The following NAA11 variants were observed in gnomAD, a reference collection of about 807,000 sequenced individuals.
The protein encoded by NAA11 is N-alpha-acetyltransferase 11, NatA catalytic subunit.
A neutral mutation model predicts 16.1 loss-of-function variants in NAA11; 15 were observed. That is an observed-to-expected ratio of 0.93 (90% CI 0.62 to 1.44). The LOEUF (loss-of-function observed/expected upper bound fraction) is 1.44, where lower values mean the gene tolerates loss of function less well. Among genes scored for constraint, NAA11 ranks in the 40% most tolerant of loss-of-function variants. NAA11 has a pLI of 0.00. For synonymous variants in NAA11, 122 were observed against 112.4 expected (o/e 1.09, Z -0.54); for missense variants, 298 against 291.3 (o/e 1.02, Z -0.17).
the NAA11 span, among the ~76,000 whole-genome samples, chr4:79,175,365 G>T: frequency 7.2e-5 from 11 of 152,150 alleles, no homozygotes; most frequent in African/African-American, 2.6e-4. Flanking sequence ...ATTTTCCGTG[G>T]ATAATGACAC....
intron 1 of NAA11, among the ~76,000 whole-genome samples, chr4:79,303,020 C>T (rs1443699159): frequency 7.0e-6 from 1 of 143,746 alleles, no homozygotes. Context: ...TATTTGCCAT[C>T]TTGACTTTTT....
At chr4:79,232,517 C>G (rs1043768391) in intron 2 of NAA11, among the ~76,000 whole-genome samples, 1 of 151,958 alleles carries the variant, frequency 6.6e-6, no homozygotes, top group Admixed American at 6.6e-5. Context: ...TTGGCTTTCA[C>G]ATTTATGCAG....
intron 1 of NAA11, among the ~76,000 whole-genome samples, chr4:79,295,433 C>CA (rs1206918710): frequency 1.3e-5 from 2 of 151,982 alleles, no homozygotes; most frequent in Admixed American, 6.6e-5. Context: ...TAAATAGAAA[C>CA]AAAAAAACTG....
intron 2 of NAA11, among the ~76,000 whole-genome samples, chr4:79,262,176 A>T (rs1487902251): frequency 2.6e-5 from 4 of 152,192 alleles, no homozygotes; most frequent in Non-Finnish European, 5.9e-5. Context: ...TATAATTTCC[A>T]ATTATGTTAG....
At chr4:79,217,061 A>C in the NAA11 span, among the ~76,000 whole-genome samples, 17 of 152,318 alleles carry the variant, frequency 1.1e-4, no homozygotes, top group Admixed American at 5.9e-4. Flanking sequence ...CACTGCTTAC[A>C]TCCATGTGGT....
the NAA11 span, among the ~76,000 whole-genome samples, chr4:79,198,605 C>T: frequency 2.5e-4 from 38 of 152,000 alleles, no homozygotes; most frequent in Non-Finnish European, 4.6e-4. Context: ...CTTTCAGCAA[C>T]AAGGGAAAGA....
downstream of NAA11, among the ~76,000 whole-genome samples, chr4:79,222,291 G>A (rs537986019): frequency 9.9e-5 from 15 of 151,786 alleles, no homozygotes; most frequent in South Asian, 2.1e-4. Flanking sequence ...TCTTGCTAGC[G>A]GTCTATCAAT....
chr4:79,217,529 C>A, the NAA11 span, among the ~76,000 whole-genome samples: 1 of 152,156 alleles, frequency 6.6e-6, no homozygotes. Flanking sequence ...AATCTTTAAT[C>A]TTGTGTCTAA....
At chr4:79,206,088 T>G in the NAA11 span, among the ~76,000 whole-genome samples, 1 of 152,110 alleles carries the variant, frequency 6.6e-6, no homozygotes, top group Non-Finnish European at 1.5e-5. Flanking sequence ...TCTTTGGCTG[T>G]TCAGGTTCTC....
intron 1 of NAA11, chr4:79,308,379 GC>G (rs1723654686): frequency 1.3e-5 from 2 of 152,206 alleles, no homozygotes; most frequent in Admixed American, 1.3e-4. Flanking sequence ...GTGCTTCAGA[GC>G]TGTCTTATTA....
intron 2 of NAA11, among the ~76,000 whole-genome samples, chr4:79,230,943 TATC>T (rs1721449987): frequency 6.6e-6 from 1 of 152,060 alleles, no homozygotes; most frequent in Admixed American, 6.6e-5. Flanking sequence ...TGTTCAATAT[TATC>T]ATAAGACCTT....
intron 1 of NAA11, among the ~76,000 whole-genome samples, chr4:79,303,121 T>TATATATAC (rs1435794400): frequency 8.8e-6 from 1 of 114,246 alleles, no homozygotes; most frequent in African/African-American, 3.0e-5. Context: ...TATATATATA[T>TATATATAC]ACCTCCCAAC....
chr4:79,194,208 G>A, the NAA11 span, among the ~76,000 whole-genome samples: 3 of 137,224 alleles, frequency 2.2e-5, no homozygotes, highest in Non-Finnish European at 4.8e-5. Flanking sequence ...ATTGAATACT[G>A]TCGTTGGTAA....
chr4:79,243,077 A>C (rs886599931), intron 2 of NAA11, among the ~76,000 whole-genome samples: 2 of 152,220 alleles, frequency 1.3e-5, no homozygotes, highest in African/African-American at 2.4e-5. Context: ...GAGTTGGGTC[A>C]AGTTTGAAAT....
At chr4:79,319,077 A>G in intron 1 of NAA11, among the ~76,000 whole-genome samples, 1 of 152,048 alleles carries the variant, frequency 6.6e-6, no homozygotes, top group East Asian at 1.9e-4. Flanking sequence ...ACCAGTATAC[A>G]CCACCACGCT....
chr4:79,208,904 C>A, the NAA11 span, among the ~76,000 whole-genome samples: 1 of 35,402 alleles, frequency 2.8e-5, no homozygotes, highest in Non-Finnish European at 7.6e-5. Context: ...TGAAAGTGAT[C>A]TCAAAAAATT....
At chr4:79,157,686 C>T in the NAA11 span, among the ~76,000 whole-genome samples, 1 of 151,616 alleles carries the variant, frequency 6.6e-6, no homozygotes, top group South Asian at 2.1e-4. Context: ...CTAATAAAAG[C>T]CAGCTATGAC....
intron 1 of NAA11, among the ~76,000 whole-genome samples, chr4:79,302,075 G>A (rs1433032452): frequency 6.6e-6 from 1 of 151,982 alleles, no homozygotes; most frequent in Non-Finnish European, 1.5e-5. Flanking sequence ...TTTAAGAAAT[G>A]ACATATGGAA....
intron 2 of NAA11, among the ~76,000 whole-genome samples, chr4:79,268,696 C>A (rs952419826): frequency 1.9e-5 from 2 of 106,758 alleles, no homozygotes; most frequent in African/African-American, 4.8e-5. Context: ...TAATTAAGGA[C>A]ACTTTGTATT....
Sources: allele counts gnomAD v4.1 joint callset (sites outside exome capture counted in the v4.1 genomes callset), GRCh38; gene constraint gnomAD v4.1.1; transcripts MANE v1.5; gene names NCBI Gene and HGNC (gene_info 2026-07-23, HGNC 2026-07-21).